The following USP38 variants were observed in gnomAD, a reference collection of about 807,000 sequenced individuals.
The protein encoded by USP38 is ubiquitin carboxyl-terminal hydrolase 38.
USP38 carries 49 observed loss-of-function variants against 94.3 expected under a neutral mutation model. The ratio of observed to expected loss-of-function variants is 0.52; its 90% CI spans 0.41 to 0.66. The LOEUF is 0.66. USP38 is among the 30% of genes least tolerant of loss of function. The probability of loss-of-function intolerance (pLI) is 0.00; values close to 1 mark genes in which losing one functional copy is unlikely to be tolerated. For synonymous variants in USP38, 468 were observed against 463.6 expected, an observed-to-expected ratio of 1.01 and a Z score of -0.12; for missense variants, 1,128 against 1,229.4, an observed-to-expected ratio of 0.92 and a Z score of 1.23.
At chr4:143,186,157 A>C (rs202210389) in intron 1 of USP38, 25 bp downstream of exon 1, 1 of 1,602,406 alleles carries the variant, frequency 6.2e-7, no homozygotes. Flanking sequence ...CTTTCAGAAT[A>C]TCTCATAAAA....
intron 2 of USP38, among the ~76,000 whole-genome samples, chr4:143,188,963 G>A (rs950915338): frequency 2.6e-5 from 4 of 151,878 alleles, no homozygotes; most frequent in Admixed American, 2.6e-4. Context: ...AATTGGTTTT[G>A]TTTTAGATTT....
chr4:143,203,005 C>T (rs911944501), intron 4 of USP38, among the ~76,000 whole-genome samples: 9 of 152,042 alleles, frequency 5.9e-5, no homozygotes, highest in African/African-American at 2.2e-4. Context: ...ATTTTAGATT[C>T]ACACTAGATG....
chr4:143,209,405 G>A (rs554702390), intron 6 of USP38, among the ~76,000 whole-genome samples, 159 bp from the exon 7 acceptor site: 1 of 151,984 alleles, frequency 6.6e-6, no homozygotes, highest in African/African-American at 2.4e-5. Context: ...TTGGGAGGCC[G>A]AGGTGGGTGG....
rs894869661 is a variant in USP38 at position 143,222,346 on chromosome 4, A to G, written c.*1890A>G. 1 of 151,988 alleles carries G rather than the reference A, an allele frequency of 6.6e-6. No homozygotes were observed. Among genetic ancestry groups the G allele is most frequent in the African/African-American group, 2.4e-5 (1 of 41,408 alleles). The allele number at this position is 151,988 out of a possible 1,614,324, so 9.4% of individuals were successfully genotyped here. On this transcript the variant is annotated 3_prime_UTR_variant, in exon 10 of 10. Coordinates refer to ENST00000307017, the MANE Select transcript of USP38 (RefSeq NM_032557.6). ...CCAGAACACCATCCCCCAATATTAA[A>G]ATCCACAGATACTCAAGTCCCTTAT...
intron 2 of USP38, 80 bp from the exon 3 acceptor site, chr4:143,195,636 T>G: frequency 7.2e-7 from 1 of 1,398,080 alleles, no homozygotes; most frequent in Non-Finnish European, 9.6e-7. Flanking sequence ...AAGTGAGTGA[T>G]TATCTACTGT....
At chr4:143,204,322 T>G in intron 5 of USP38, 1 of 441,988 alleles carries the variant, frequency 2.3e-6, no homozygotes, top group Non-Finnish European at 4.5e-6. Flanking sequence ...TCATCAATGT[T>G]TCGAATCTTT....
chr4:143,194,546 T>G (rs1450429253), intron 2 of USP38, among the ~76,000 whole-genome samples: 1 of 152,174 alleles, frequency 6.6e-6, no homozygotes, highest in South Asian at 2.1e-4. Flanking sequence ...CTCGCTCTGT[T>G]GTCCAGGCTG....
intron 2 of USP38, among the ~76,000 whole-genome samples, chr4:143,192,550 C>CTTT (rs35416730): frequency 0.063 from 6,482 of 103,264 alleles, 474 homozygotes; most frequent in African/African-American, 0.1. Flanking sequence ...TCCCATATTA[C>CTTT]TTTTTTTTTT....
rs1732352450 is a variant in USP38, at chr4:143,222,570, A to T, written c.*2114A>T. On this transcript the variant is annotated 3_prime_UTR_variant, in exon 10 of 10. Coordinates refer to ENST00000307017, the MANE Select transcript of USP38 (RefSeq NM_032557.6). ...TCCAAAGTTGTTTGAATCTAAGGAT[A>T]CAGAGCCTGAGGATATGGAAAGCTG... 1 of 152,082 alleles carries T rather than the reference A, an allele frequency of 6.6e-6. No homozygotes were observed. Among genetic ancestry groups the T allele is most frequent in the African/African-American group, 2.4e-5 (1 of 41,458 alleles). The allele number at this position is 152,082 out of a possible 1,614,324, so 9.4% of individuals were successfully genotyped here.
At chr4:143,199,320 T>C (rs1217579074) in intron 4 of USP38, among the ~76,000 whole-genome samples, 1 of 152,128 alleles carries the variant, frequency 6.6e-6, no homozygotes, top group Non-Finnish European at 1.5e-5. Context: ...GACATGATCT[T>C]ATTATTATGG....
chr4:143,203,497 G>T lies in USP38; in HGVS notation c.1140G>T (p.Leu380Phe). The change falls in exon 5 of 10, where the codon TTG becomes TTT. Residue 380 changes from leucine to phenylalanine, a missense_variant. Coordinates refer to ENST00000307017, the MANE Select transcript of USP38 (RefSeq NM_032557.6). ...STAFLVQLTE[L>F]IHCMMYHYSG... is the part of the protein sequence containing the mutation. Reference sequence around the variant, plus strand: ...CCTTCTTAGTACAATTAACAGAATTGATACACTGTATGATGTATCATTATT... The same window carrying T: ...CCTTCTTAGTACAATTAACAGAATTTATACACTGTATGATGTATCATTATT... 1 of 1,613,112 alleles carries T rather than the reference G, an allele frequency of 6.2e-7. No homozygotes were observed. The highest frequency in any genetic ancestry group is 1.1e-5 in the South Asian group (1 of 90,972).
intron 4 of USP38, among the ~76,000 whole-genome samples, chr4:143,199,217 A>C (rs1293710674): frequency 2.0e-5 from 3 of 152,142 alleles, no homozygotes; most frequent in African/African-American, 7.2e-5. Flanking sequence ...GCTCCCGCTT[A>C]TAAGTGAAAA....
At chr4:143,218,672 AG>A (rs1429067607) in intron 9 of USP38, among the ~76,000 whole-genome samples, 1 of 152,134 alleles carries the variant, frequency 6.6e-6, no homozygotes, top group East Asian at 1.9e-4. Flanking sequence ...AGTTTCTATA[AG>A]GGAATCACTG....
intron 2 of USP38, among the ~76,000 whole-genome samples, chr4:143,192,330 A>G (rs1235678574): frequency 6.6e-6 from 1 of 151,954 alleles, no homozygotes; most frequent in Non-Finnish European, 1.5e-5. Context: ...TGCCTAGCTA[A>G]TTTTTGTATT....
intron 2 of USP38, among the ~76,000 whole-genome samples, chr4:143,188,931 A>G (rs1731311168): frequency 6.6e-6 from 1 of 152,104 alleles, no homozygotes; most frequent in South Asian, 2.1e-4. Context: ...TTAGTGGTAT[A>G]TAAGCTAATT....
At chr4:143,202,398 T>C (rs947249013) in intron 4 of USP38, among the ~76,000 whole-genome samples, 2 of 152,178 alleles carry the variant, frequency 1.3e-5, no homozygotes, top group African/African-American at 4.8e-5. Flanking sequence ...ATTGCTGTTA[T>C]TGCTGTTTGA....
intron 4 of USP38, among the ~76,000 whole-genome samples, chr4:143,201,285 C>T (rs1268035305): frequency 6.6e-6 from 1 of 152,188 alleles, no homozygotes; most frequent in South Asian, 2.1e-4. Context: ...GGGGAAAAGG[C>T]TCCCTCTTCA....
chr4:143,186,023 T>C lies in USP38; in HGVS notation c.573T>C (p.Tyr191=). 6.2e-7 allele frequency: 1 copy of C among 1,614,230 alleles called. No individual in the cohort carries two copies. The change falls in exon 1 of 10, where the codon TAT becomes TAC. Residue 191 remains tyrosine, a synonymous_variant. Transcript: ENST00000307017. ...VSTQERELRE[Y]VSQVTKVSNL... Reference sequence around the variant, plus strand: ...CCCAGGAAAGAGAGCTGCGGGAATATGTCTCCCAGGTGACAAAAGTGAGTA... The same window carrying C: ...CCCAGGAAAGAGAGCTGCGGGAATACGTCTCCCAGGTGACAAAAGTGAGTA...
chr4:143,203,164 G>C (rs1731763368), intron 4 of USP38, among the ~76,000 whole-genome samples: 1 of 152,064 alleles, frequency 6.6e-6, no homozygotes, highest in Non-Finnish European at 1.5e-5. Context: ...CTTAGTTTAT[G>C]TTTTAGATGG....
Sources: allele counts gnomAD v4.1 joint callset (sites outside exome capture counted in the v4.1 genomes callset), GRCh38; gene constraint gnomAD v4.1.1; transcripts MANE v1.5; gene names NCBI Gene and HGNC (gene_info 2026-07-23, HGNC 2026-07-21).